Variants in SLC35D4 observed in about 807,000 individuals in gnomAD.
SLC35D4 encodes the protein UDP-N-acetylglucosamine transporter SLC35D4.
the SLC35D4 span, among the ~76,000 whole-genome samples, chr18:23,314,460 T>TG: frequency 6.3e-4 from 96 of 151,902 alleles, no homozygotes; most frequent in African/African-American, 1.5e-3. Context: ...GTGCTTACCC[T>TG]GGGGGGGGCT....
At chr18:23,253,991 C>T in the SLC35D4 span, 13 of 1,501,576 alleles carry the variant, frequency 8.7e-6, no homozygotes, top group African/African-American at 1.4e-5. Context: ...TCCGGGGTTC[C>T]TCTCTCAGAA....
At chr18:23,272,137 A>G in the SLC35D4 span, among the ~76,000 whole-genome samples, 1 of 152,212 alleles carries the variant, frequency 6.6e-6, no homozygotes, top group Non-Finnish European at 1.5e-5. Context: ...AGTAAGGGGC[A>G]GTCTTGTGGG....
the SLC35D4 span, among the ~76,000 whole-genome samples, chr18:23,242,219 A>C: frequency 3.9e-5 from 6 of 152,184 alleles, no homozygotes; most frequent in Non-Finnish European, 8.8e-5. Context: ...CAGAAGTTGC[A>C]GTGAGCTGAG....
chr18:23,308,951 G>A, the SLC35D4 span, among the ~76,000 whole-genome samples: 2 of 149,916 alleles, frequency 1.3e-5, no homozygotes, highest in African/African-American at 4.9e-5. Flanking sequence ...GGACGTCCAT[G>A]GGTTGTCAAG....
chr18:23,381,076 T>C, the SLC35D4 span, among the ~76,000 whole-genome samples: 1 of 152,180 alleles, frequency 6.6e-6, no homozygotes, highest in Non-Finnish European at 1.5e-5. Context: ...TCATCAGAAA[T>C]GTAAGTCTCA....
chr18:23,283,212 C>T, the SLC35D4 span, among the ~76,000 whole-genome samples: 5 of 151,994 alleles, frequency 3.3e-5, no homozygotes, highest in African/African-American at 1.2e-4. Context: ...GAAGGCCGGG[C>T]GTAGTGGCTC....
chr18:23,362,437 A>G, the SLC35D4 span, among the ~76,000 whole-genome samples: 1 of 152,138 alleles, frequency 6.6e-6, no homozygotes, highest in East Asian at 1.9e-4. Context: ...TGTCACTACT[A>G]AAAATACAAA....
At chr18:23,408,179 AC>A in the SLC35D4 span, among the ~76,000 whole-genome samples, 1 of 91,510 alleles carries the variant, frequency 1.1e-5, no homozygotes, top group African/African-American at 5.5e-5. Flanking sequence ...ACACACACAC[AC>A]CCCTAACCTC....
chr18:23,424,591 C>T, the SLC35D4 span, among the ~76,000 whole-genome samples: 1 of 152,230 alleles, frequency 6.6e-6, no homozygotes, highest in Non-Finnish European at 1.5e-5. Context: ...CTAAGTCCCT[C>T]TACCTTTAGA....
chr18:23,429,977 A>G, the SLC35D4 span, among the ~76,000 whole-genome samples: 1 of 152,286 alleles, frequency 6.6e-6, no homozygotes, highest in East Asian at 1.9e-4. Context: ...CTCTGTTAAT[A>G]GTTTCTTTTG....
chr18:23,253,064 G>A, the SLC35D4 span: 3 of 1,590,754 alleles, frequency 1.9e-6, no homozygotes, highest in East Asian at 2.2e-5. Flanking sequence ...GCAAAATTAG[G>A]AGGTACGGGA....
At chr18:23,251,039 A>T in the SLC35D4 span, among the ~76,000 whole-genome samples, 1 of 152,214 alleles carries the variant, frequency 6.6e-6, no homozygotes, top group Non-Finnish European at 1.5e-5. Context: ...AAAGCCACCA[A>T]CTTCCATTAG....
chr18:23,375,033 T>C, the SLC35D4 span, among the ~76,000 whole-genome samples: 4 of 151,630 alleles, frequency 2.6e-5, no homozygotes, highest in African/African-American at 9.7e-5. Context: ...GAGAATCACT[T>C]GAACCCGGGA....
At chr18:23,251,261 C>T in the SLC35D4 span, among the ~76,000 whole-genome samples, 1 of 152,024 alleles carries the variant, frequency 6.6e-6, no homozygotes, top group African/African-American at 2.4e-5. Context: ...AAGAGGAGCC[C>T]AGCCAACATG....
At chr18:23,253,123 C>A in the SLC35D4 span, 7 of 957,522 alleles carry the variant, frequency 7.3e-6, no homozygotes, top group Admixed American at 8.8e-5. Context: ...TTTCCACACA[C>A]CGTAAGCTTG....
At chr18:23,253,685 C>A in the SLC35D4 span, 1 of 1,550,452 alleles carries the variant, frequency 6.4e-7, no homozygotes, top group Non-Finnish European at 8.8e-7. Context: ...CACTGAAACT[C>A]TAAGTTTTCA....
At chr18:23,352,945 G>C in the SLC35D4 span, among the ~76,000 whole-genome samples, 1 of 152,248 alleles carries the variant, frequency 6.6e-6, no homozygotes, top group Non-Finnish European at 1.5e-5. Context: ...CACAGCAGTG[G>C]ATGGAGATGT....
chr18:23,356,649 C>G, the SLC35D4 span: 1 of 1,614,096 alleles, frequency 6.2e-7, no homozygotes, highest in Non-Finnish European at 8.5e-7. The surrounding 1 kb of genome is among the most constrained non-coding windows in gnomAD (Gnocchi z 4.1). Flanking sequence ...AAGTCCAGGA[C>G]GCTGAAGAGA....
chr18:23,426,605 T>C, the SLC35D4 span, among the ~76,000 whole-genome samples: 1 of 152,148 alleles, frequency 6.6e-6, no homozygotes, highest in African/African-American at 2.4e-5. Context: ...AGGTAATTTA[T>C]AGATTCAATG....
Sources: allele counts gnomAD v4.1 joint callset (sites outside exome capture counted in the v4.1 genomes callset), GRCh38; gene constraint gnomAD v4.1.1; non-coding constraint Gnocchi (gnomAD v3.1); transcripts MANE v1.5; gene names NCBI Gene and HGNC (gene_info 2026-07-23, HGNC 2026-07-21).